Variants in CEACAM8 observed in about 807,000 individuals in gnomAD.
CEACAM8 encodes the protein CEA cell adhesion molecule 8.
Under a neutral mutation model 33.4 loss-of-function variants are expected in CEACAM8, and 31 were observed. The observed-to-expected ratio is 0.93, with a 90% CI of 0.70 to 1.25. The LOEUF (loss-of-function observed/expected upper bound fraction) is 1.25, where lower values mean the gene tolerates loss of function less well. Among genes scored for constraint, CEACAM8 ranks in the 50% most tolerant of loss-of-function variants. The pLI, the probability that CEACAM8 is intolerant of heterozygous loss-of-function variation, is 0.00. For synonymous variants in CEACAM8, 138 were observed against 164.5 expected (o/e 0.84, Z 1.23); for missense variants, 388 against 434.6 (o/e 0.89, Z 0.95).
Position 42,593,790 on chromosome 19 carries a change from G to A in CEACAM8, c.175C>T (p.Pro59Ser). 1 of 1,614,064 alleles carries A rather than the reference G, an allele frequency of 6.2e-7. No individual in the cohort carries two copies. The highest frequency in any genetic ancestry group is 8.5e-7 in the Non-Finnish European group (1 of 1,180,002). Reference protein sequence around the residue: ...KEVLLLVHNLPQDPRGYNWYK... With the variant: ...KEVLLLVHNLSQDPRGYNWYK... ...CAGTTGTAGCCACGAGGGTCCTGGGGCAGATTGTGGACAAGTAGAAGAACC... is the reference window on the plus strand; with the variant it reads ...CAGTTGTAGCCACGAGGGTCCTGGGACAGATTGTGGACAAGTAGAAGAACC... The change falls in exon 2 of 6, where the codon CCC (proline) becomes TCC (serine). Residue 59 changes from proline to serine, a missense_variant. Coordinates refer to ENST00000244336, the MANE Select transcript of CEACAM8 (RefSeq NM_001816.4).
In CEACAM8 at chr19:42,594,868, C is replaced by A; in HGVS notation, c.-40G>T. ...GCGTGTTCTCCTCTGTGGAGATGAG[C>A]CTGGGATCCAGAAACTTTCTGAGCA... On this transcript the variant is annotated 5_prime_UTR_variant, in exon 1 of 6. Transcript: ENST00000244336. 1 of 1,585,414 alleles carries A rather than the reference C, an allele frequency of 6.3e-7. No individual in the cohort carries two copies. Among genetic ancestry groups the A allele is most frequent in the Non-Finnish European group, 8.6e-7 (1 of 1,164,586 alleles).
intron 4 of CEACAM8, among the ~76,000 whole-genome samples, chr19:42,584,205 C>T (rs1332328534): frequency 7.2e-6 from 1 of 139,090 alleles, no homozygotes; most frequent in African/African-American, 2.5e-5. Context: ...ATACCTTTTA[C>T]ACACACACAC....
rs778025995 is a variant in CEACAM8, at chr19:42,589,557, A to G, written c.603T>C (p.Thr201=). Residue 201 remains threonine, a synonymous_variant, in exon 3 of 6, where the codon ACT becomes ACC. Coordinates refer to ENST00000244336, the MANE Select transcript of CEACAM8 (RefSeq NM_001816.4). The part of the protein sequence containing the change: ...LQLSNGNRTL[T]LLSVTRNDVG... Reference sequence around the variant, plus strand: ...CGTCATTCCTTGTGACACTGAGTAGAGTGAGGGTCCTGTTGCCATTGGACA... The same window carrying G: ...CGTCATTCCTTGTGACACTGAGTAGGGTGAGGGTCCTGTTGCCATTGGACA... The G allele has an allele frequency of 1.2e-6, 2 of 1,614,066 alleles. No individual in the cohort carries two copies. The highest frequency in any genetic ancestry group is 2.7e-5 in the African/African-American group (2 of 74,914).
intron 5 of CEACAM8, among the ~76,000 whole-genome samples, chr19:42,582,628 A>T (rs1375768590): frequency 6.6e-6 from 1 of 152,156 alleles, no homozygotes; most frequent in East Asian, 1.9e-4. Flanking sequence ...ATAGCATTGG[A>T]ACTAAGAATT....
chr19:42,583,201 C>G lies in CEACAM8; in HGVS notation c.*40+5G>C, dbSNP rs200124486. 2.4e-6 allele frequency: 3 copies of G among 1,262,862 alleles called. No homozygotes were observed. Among genetic ancestry groups the G allele is most frequent in the East Asian group, 2.3e-5 (1 of 43,004 alleles). The allele number at this position is 1,262,862 out of a possible 1,614,324, so 78.2% of individuals were successfully genotyped here. A position where few individuals can be genotyped will look rare whatever the true frequency, so the allele number is the denominator to read the frequency against. On this transcript the variant is annotated splice_donor_5th_base_variant and intron_variant, in intron 5 of 5. Transcript: ENST00000244336. Reference sequence around the variant, plus strand: ...GAAACAGGACAAGAGGAAAGGCCATCATACCTGCCAGTCTTCTTGAAATGC... The same window carrying G: ...GAAACAGGACAAGAGGAAAGGCCATGATACCTGCCAGTCTTCTTGAAATGC...
At position 42,594,783 on chromosome 19, in the gene CEACAM8, G is replaced by A; in HGVS notation, c.46C>T (p.Gln16Ter). ...TCCTCACCTGTGAGCAGGAGCCCCT[G>A]CCAGGGGATGCGCCATCTGCAGGAA... is the stretch of plus-strand genomic sequence containing the variant. ...APSCRWRIPW[Q>*]GLLLTASLFT... Residue 16 changes from glutamine (Q) to a stop codon, truncating the protein, a stop_gained, in exon 1 of 6, where the codon CAG becomes TAG. Coordinates refer to ENST00000244336, the MANE Select transcript of CEACAM8 (RefSeq NM_001816.4). LOFTEE classifies it high-confidence loss of function. The A allele has an allele frequency of 2.5e-6, 4 of 1,610,908 alleles. No homozygotes were observed. Among genetic ancestry groups the A allele is most frequent in the Non-Finnish European group, 3.4e-6 (4 of 1,177,962 alleles).
chr19:42,583,033 C>G, intron 5 of CEACAM8, 173 bp downstream of exon 5: 1 of 547,652 alleles, frequency 1.8e-6, no homozygotes, highest in Non-Finnish European at 3.3e-6. Context: ...ATCTAAGAGA[C>G]AGTGGGGTAC....
rs2042249737 is a variant in CEACAM8, at chr19:42,580,847, C to T, written c.*547G>A. On this transcript the variant is annotated 3_prime_UTR_variant, in exon 6 of 6. Transcript: ENST00000244336. Reference sequence around the variant, plus strand: ...GTGGCTCACACCTGTAATCCCAGAACTTTGGGAGGCTGAGGCAGGCGGACC... The same window carrying T: ...GTGGCTCACACCTGTAATCCCAGAATTTTGGGAGGCTGAGGCAGGCGGACC... 6.6e-6 allele frequency: 1 copy of T among 152,002 alleles called. No homozygotes were observed. The allele number at this position is 152,002 out of a possible 1,614,324, so 9.4% of individuals were successfully genotyped here.
intron 4 of CEACAM8, among the ~76,000 whole-genome samples, chr19:42,584,586 G>A (rs2042304730): frequency 6.6e-6 from 1 of 152,066 alleles, no homozygotes; most frequent in Non-Finnish European, 1.5e-5. Flanking sequence ...CTCTGTGTGG[G>A]GCATTTTGCT....
chr19:42,584,115 C>G (rs2042296828), intron 4 of CEACAM8, among the ~76,000 whole-genome samples: 2 of 152,052 alleles, frequency 1.3e-5, no homozygotes, highest in South Asian at 2.1e-4. Flanking sequence ...CTTTTTTTCT[C>G]TCTTTCACGT....
At position 42,593,726 on chromosome 19, in the gene CEACAM8, A is replaced by G. The variant is rs2042490471; in HGVS notation, c.239T>C (p.Ile80Thr). The G allele has an allele frequency of 6.2e-7, 1 of 1,613,962 alleles. No individual in the cohort carries two copies. Among genetic ancestry groups the G allele is most frequent in the Non-Finnish European group, 8.5e-7 (1 of 1,180,014 alleles). ...GETVDANRRI[I>T]GYVISNQQIT... is the part of the protein sequence containing the mutation. ...CTGTTGATTTGATATTACATATCCT[A>G]TAATTCGACGGTTGGCATCCACTGT... is the stretch of plus-strand genomic sequence containing the variant. Residue 80 changes from isoleucine (I) to threonine (T), a missense_variant, in exon 2 of 6, where the codon ATA (isoleucine) becomes ACA (threonine). Ile to Thr is a moderately conservative substitution (Grantham distance 89). Transcript: ENST00000244336.
chr19:42,594,789 G>T lies in CEACAM8; in HGVS notation c.40C>A (p.Pro14Thr), dbSNP rs1281836345. 1.2e-6 allele frequency: 2 copies of T among 1,611,458 alleles called. No individual in the cohort carries two copies. Among genetic ancestry groups the T allele is most frequent in the South Asian group, 1.1e-5 (1 of 91,048 alleles). The stretch of plus-strand genomic sequence containing the variant: ...CCTGTGAGCAGGAGCCCCTGCCAGG[G>T]GATGCGCCATCTGCAGGAAGGGGCT... Reference protein sequence around the residue: ...ISAPSCRWRIPWQGLLLTASL... With the variant: ...ISAPSCRWRITWQGLLLTASL... Residue 14 changes from proline (P) to threonine (T), a missense_variant, in exon 1 of 6, where the codon CCC (proline) becomes ACC (threonine). Transcript: ENST00000244336.
chr19:42,586,542 A>C (rs1035090196), intron 4 of CEACAM8, among the ~76,000 whole-genome samples: 53 of 152,236 alleles, frequency 3.5e-4, no homozygotes, highest in African/African-American at 1.3e-3. Flanking sequence ...ATGCAGAAAG[A>C]TGAGCTGAAC....
chr19:42,588,769 CAGGG>C lies in CEACAM8; in HGVS notation c.958+11_958+14del. The C allele has an allele frequency of 6.2e-7, 1 of 1,613,426 alleles. No individual in the cohort carries two copies. The highest frequency in any genetic ancestry group is 1.3e-5 in the African/African-American group (1 of 75,028). ...ACCAGAAAACATACTGCCAGTGCTC[CAGGG>C]ATCCACTTACCAGAGACTGTGATCA... is the stretch of plus-strand genomic sequence containing the variant. On this transcript the variant is annotated intron_variant, in intron 4 of 5. Coordinates refer to ENST00000244336, the MANE Select transcript of CEACAM8 (RefSeq NM_001816.4).
Position 42,588,832 on chromosome 19 carries a change from A to T in CEACAM8, c.910T>A (p.Ser304Thr), listed in dbSNP as rs533831656. 6.2e-7 allele frequency: 1 copy of T among 1,613,966 alleles called. No individual in the cohort carries two copies. Among genetic ancestry groups the T allele is most frequent in the Non-Finnish European group, 8.5e-7 (1 of 1,180,034 alleles). Residue 304 changes from serine (S) to threonine (T), a missense_variant, in exon 4 of 6, where the codon TCA (serine) becomes ACA (threonine). Coordinates refer to ENST00000244336, the MANE Select transcript of CEACAM8 (RefSeq NM_001816.4). ...SGSYACHTTN[S>T]ATGRNRTTVR... Reference sequence around the variant, plus strand: ...GTGGTCCTGTTGCGGCCAGTGGCTGAGTTAGTGGTGTGGCAGGCATAGGAT... The same window carrying T: ...GTGGTCCTGTTGCGGCCAGTGGCTGTGTTAGTGGTGTGGCAGGCATAGGAT...
Position 42,589,629 on chromosome 19 carries a change from C to T in CEACAM8, c.531G>A (p.Leu177=). Residue 177 remains leucine (L), a synonymous_variant, in exon 3 of 6, where the codon CTG becomes CTA. Coordinates refer to ENST00000244336, the MANE Select transcript of CEACAM8 (RefSeq NM_001816.4). ...GGAGACTCTGACCATTTACCCACCA[C>T]AGGTAGGTTGTGTTCTGAGTCTCAG... The part of the protein sequence containing the change: ...CEPETQNTTY[L]WWVNGQSLPV... 1 of 1,614,208 alleles carries T rather than the reference C, an allele frequency of 6.2e-7. No individual in the cohort carries two copies. The highest frequency in any genetic ancestry group is 1.1e-5 in the South Asian group (1 of 91,084).
At chr19:42,589,310 C>T in intron 3 of CEACAM8, 147 bp downstream of exon 3, 3 of 1,324,086 alleles carry the variant, frequency 2.3e-6, no homozygotes, top group Non-Finnish European at 3.2e-6. Flanking sequence ...CCATGTTTGC[C>T]TGGGGCAGAA....
At chr19:42,581,920 A>AATAAATAT (rs2042265710) in intron 5 of CEACAM8, among the ~76,000 whole-genome samples, 1 of 25,306 alleles carries the variant, frequency 4.0e-5, no homozygotes, top group Non-Finnish European at 6.6e-5. Flanking sequence ...AAAAAAAAAA[A>AATAAATAT]ATATATATAT....
intron 2 of CEACAM8, among the ~76,000 whole-genome samples, chr19:42,592,772 T>C (rs1408870202): frequency 6.6e-6 from 1 of 152,180 alleles, no homozygotes; most frequent in Non-Finnish European, 1.5e-5. Flanking sequence ...ATTATTTGCC[T>C]CCATGAGAGG....
Sources: allele counts gnomAD v4.1 joint callset (sites outside exome capture counted in the v4.1 genomes callset), GRCh38; gene constraint gnomAD v4.1.1; transcripts MANE v1.5; gene names NCBI Gene and HGNC (gene_info 2026-07-23, HGNC 2026-07-21).